The following DMD variants were observed in gnomAD, a reference collection of about 807,000 sequenced individuals.
The protein encoded by DMD is mutant dystrophin.
A neutral mutation model predicts 330.1 loss-of-function variants in DMD; 63 were observed. The ratio of observed to expected loss-of-function variants is 0.19; its 90% CI spans 0.16 to 0.24. The LOEUF (loss-of-function observed/expected upper bound fraction) is 0.24, where lower values mean the gene tolerates loss of function less well. DMD is among the 10% of genes least tolerant of loss of function. The pLI, the probability that DMD is intolerant of heterozygous loss-of-function variation, is 1.00. For synonymous variants in DMD, 1,223 were observed against 959.8 expected, an observed-to-expected ratio of 1.27 and a Z score of -5.07; for missense variants, 3,344 against 2,684.1, an observed-to-expected ratio of 1.25 and a Z score of -5.43.
At chrX:32,829,206 T>C (rs1260855328) in intron 4 of DMD, among the ~76,000 whole-genome samples, 2 of 111,524 alleles carry the variant, frequency 1.8e-5, no homozygotes, top group Non-Finnish European at 3.8e-5. Context: ...TGCTTTGGAA[T>C]AGCTTAAAGT....
chrX:32,052,174 A>G (rs777904304), intron 44 of DMD, among the ~76,000 whole-genome samples: 1 of 111,375 alleles, frequency 9.0e-6, no homozygotes, highest in East Asian at 2.8e-4. Context: ...AATTCCCCCA[A>G]TAATTAATCT....
chrX:32,685,115 C>G, intron 9 of DMD, among the ~76,000 whole-genome samples: 1 of 111,120 alleles, frequency 9.0e-6, no homozygotes. Flanking sequence ...GGCCAATAAG[C>G]AATTATTAAA....
intron 47 of DMD, among the ~76,000 whole-genome samples, chrX:31,912,637 C>G (rs1428483743): frequency 9.0e-6 from 1 of 111,711 alleles, no homozygotes; most frequent in Non-Finnish European, 1.9e-5. Flanking sequence ...TTCACGGTCC[C>G]AAACTGCAAT....
intron 63 of DMD, among the ~76,000 whole-genome samples, 188 bp downstream of exon 63, chrX:31,260,767 C>G (rs1457997464): frequency 8.9e-6 from 1 of 112,033 alleles, no homozygotes; most frequent in African/African-American, 3.2e-5. Flanking sequence ...ACTTCTAAAA[C>G]TTGTTTTTAA....
chrX:32,504,752 T>G (rs184101021), intron 18 of DMD, among the ~76,000 whole-genome samples: 67 of 111,728 alleles, frequency 6.0e-4, no homozygotes, highest in African/African-American at 2.1e-3. Context: ...CACTGCGGAC[T>G]ACTAGAGTGG....
intron 32 of DMD, among the ~76,000 whole-genome samples, chrX:32,388,341 C>CTTTTTTTTTTTTTTTTTTTTTT (rs3044988): frequency 1.1e-4 from 9 of 78,567 alleles, no homozygotes; most frequent in African/African-American, 4.6e-4. Context: ...TTATGCTTTC[C>CTTTTTTTTTTTTTTTTTTTTTT]TTTTTTTTTT....
chrX:31,350,624 TGTGTGTGTGAGAGAGA>T (rs1200357446), intron 60 of DMD, among the ~76,000 whole-genome samples: 1 of 48,277 alleles, frequency 2.1e-5, no homozygotes, highest in African/African-American at 8.6e-5. Flanking sequence ...TGTGTGTGTG[TGTGTGTGTGAGAGAGA>T]GAGAGAGAGA....
intron 4 of DMD, among the ~76,000 whole-genome samples, chrX:32,831,448 T>C (rs761677057): frequency 1.8e-4 from 20 of 110,893 alleles, no homozygotes; most frequent in Non-Finnish European, 3.2e-4. Flanking sequence ...TGATTTGCTT[T>C]ACAGAAAGAA....
At chrX:32,522,829 A>G (rs1427069342) in intron 17 of DMD, among the ~76,000 whole-genome samples, 2 of 112,409 alleles carry the variant, frequency 1.8e-5, no homozygotes, top group Non-Finnish European at 3.8e-5. Flanking sequence ...TGTTAATATA[A>G]TGCATTTGGG....
intron 43 of DMD, among the ~76,000 whole-genome samples, chrX:32,276,963 G>T (rs1316397286): frequency 9.1e-6 from 1 of 109,879 alleles, no homozygotes; most frequent in East Asian, 2.9e-4. Flanking sequence ...AAAAGAGAGA[G>T]AAGAAAAGAA....
intron 44 of DMD, among the ~76,000 whole-genome samples, chrX:31,993,945 T>C (rs1385453808): frequency 9.0e-6 from 1 of 111,313 alleles, no homozygotes; most frequent in Non-Finnish European, 1.9e-5. Context: ...ATAACGGGCA[T>C]TGAAGCATCA....
At chrX:31,422,717 C>T (rs982174882) in intron 60 of DMD, among the ~76,000 whole-genome samples, 3 of 112,107 alleles carry the variant, frequency 2.7e-5, no homozygotes, top group African/African-American at 6.5e-5. Context: ...TATACTACCA[C>T]ACTTTTCCTT....
At chrX:33,291,944 T>C (rs2053518309) in intron 1 of DMD, among the ~76,000 whole-genome samples, 1 of 112,045 alleles carries the variant, frequency 8.9e-6, no homozygotes, top group Admixed American at 9.6e-5. Context: ...AAATTATATA[T>C]GCCAATTTTA....
In DMD at chrX:32,849,796, G is replaced by T. The variant is rs1001154410; in HGVS notation, c.118C>A (p.Leu40Ile). 2 of 1,203,975 alleles carry T rather than the reference G, an allele frequency of 1.7e-6. No homozygotes were observed. The highest frequency in any genetic ancestry group is 2.3e-4 in the Middle Eastern group (1 of 4,327). ...CTCCCATCCTGTAGGTCACTGAAGA[G>T]GTTCTCAATATGCTGCTTCCCAAAC... Reference protein sequence around the residue: ...SKFGKQHIENLFSDLQDGRRL... With the variant: ...SKFGKQHIENIFSDLQDGRRL... The change falls in exon 3 of 79, where the codon CTC becomes ATC. Residue 40 changes from leucine (L) to isoleucine (I), a missense_variant. Transcript: ENST00000357033.
intron 7 of DMD, among the ~76,000 whole-genome samples, chrX:32,774,721 G>A (rs920519525): frequency 3.6e-5 from 4 of 110,902 alleles, no homozygotes; most frequent in Admixed American, 9.6e-5. Flanking sequence ...CCCTTGACAC[G>A]TGGGGATTAC....
intron 63 of DMD, among the ~76,000 whole-genome samples, chrX:31,237,091 T>C (rs1337877597): frequency 4.5e-5 from 5 of 112,192 alleles, no homozygotes; most frequent in East Asian, 2.8e-4. Flanking sequence ...TTAGTTACCA[T>C]GGGAAAAGCA....
chrX:33,233,118 A>G (rs1292300146), intron 1 of DMD, among the ~76,000 whole-genome samples: 3 of 112,046 alleles, frequency 2.7e-5, no homozygotes, highest in Non-Finnish European at 5.6e-5. Context: ...GAGGTAACAG[A>G]TTCATTAACC....
At chrX:32,981,585 A>G (rs1456051892) in intron 2 of DMD, among the ~76,000 whole-genome samples, 1 of 111,769 alleles carries the variant, frequency 8.9e-6, no homozygotes, top group Non-Finnish European at 1.9e-5. Context: ...CTAGGACAAA[A>G]TTTCAGATAT....
chrX:32,567,219 A>G (rs143608788), intron 15 of DMD, among the ~76,000 whole-genome samples: 163 of 112,187 alleles, frequency 1.5e-3, no homozygotes, highest in African/African-American at 4.7e-3. Flanking sequence ...TCTTCATGCC[A>G]TTTTTAAGGG....
Sources: allele counts gnomAD v4.1 joint callset (sites outside exome capture counted in the v4.1 genomes callset), GRCh38; gene constraint gnomAD v4.1.1; transcripts MANE v1.5; gene names NCBI Gene and HGNC (gene_info 2026-07-23, HGNC 2026-07-21).